The following FAM13A variants were observed in gnomAD, a reference collection of about 807,000 sequenced individuals.
FAM13A encodes the protein protein FAM13A.
In FAM13A, 76 loss-of-function variants were observed where a neutral mutation model predicts 129.6. The ratio of observed to expected loss-of-function variants is 0.59; its 90% CI spans 0.49 to 0.71. The LOEUF is 0.71. Ranked by LOEUF, FAM13A falls within the 30% of genes least tolerant of loss-of-function variation. FAM13A has a pLI of 0.00. For synonymous variants in FAM13A, 443 were observed against 449.9 expected (o/e 0.98, Z 0.20); for missense variants, 1,108 against 1,249.3 (o/e 0.89, Z 1.70).
chr4:88,888,578 AAT>A (rs1744813739), intron 6 of FAM13A, among the ~76,000 whole-genome samples: 1 of 152,136 alleles, frequency 6.6e-6, no homozygotes, highest in South Asian at 2.1e-4. Context: ...ATTAAAAGTA[AAT>A]AAATAAATAA....
At chr4:88,849,130 A>G (rs1006440659) in intron 7 of FAM13A, among the ~76,000 whole-genome samples, 2 of 152,258 alleles carry the variant, frequency 1.3e-5, no homozygotes, top group Non-Finnish European at 2.9e-5. Flanking sequence ...AGTACATAAT[A>G]GGCATGTAGT....
chr4:88,929,344 A>G (rs753729466), intron 5 of FAM13A, among the ~76,000 whole-genome samples: 1 of 152,112 alleles, frequency 6.6e-6, no homozygotes, highest in Non-Finnish European at 1.5e-5. Flanking sequence ...TTTACTTTAG[A>G]CATTCTGAAT....
At chr4:89,017,005 T>A (rs1424163061) in intron 3 of FAM13A, among the ~76,000 whole-genome samples, 1 of 152,204 alleles carries the variant, frequency 6.6e-6, no homozygotes, top group African/African-American at 2.4e-5. Context: ...CTGCCTACAG[T>A]ATTCAGTACA....
chr4:88,896,443 T>C (rs1428005105), intron 6 of FAM13A, among the ~76,000 whole-genome samples: 2 of 152,120 alleles, frequency 1.3e-5, no homozygotes, highest in African/African-American at 2.4e-5. Flanking sequence ...AAAAATTCAA[T>C]GTTTATTAAG....
At position 88,857,355 on chromosome 4, in the gene FAM13A, T is replaced by C. The variant is rs1561178511; in HGVS notation, c.844-6172A>G. On this transcript the variant is annotated intron_variant, in intron 6 of 23. Transcript: ENST00000264344. The stretch of plus-strand genomic sequence containing the variant: ...AAAAGGTTTATGTTGAGGCCAAGTG[T>C]GGTGGCTCACCCCTGTAATCCCAGC... Among the ~76,000 whole-genome samples, 3 of 152,094 alleles carry C rather than the reference T, an allele frequency of 2.0e-5. No homozygotes were observed. In the South Asian group the frequency reaches 6.2e-4, roughly 31 times the overall value.
intron 20 of FAM13A, among the ~76,000 whole-genome samples, chr4:88,738,669 G>A (rs1412437003): frequency 6.6e-6 from 1 of 152,146 alleles, no homozygotes; most frequent in African/African-American, 2.4e-5. Context: ...AGGGCCTTGG[G>A]ATCAGAACGG....
At chr4:88,946,713 T>G (rs551789758) in intron 4 of FAM13A, among the ~76,000 whole-genome samples, 117 of 152,138 alleles carry the variant, frequency 7.7e-4, no homozygotes, top group Non-Finnish European at 1.3e-3. Context: ...TTTATTTATT[T>G]GATTTTAGTT....
At position 88,994,850 on chromosome 4, in the gene FAM13A, AATT is replaced by A. The variant is rs1560708229; in HGVS notation, c.428-3703_428-3701del. ...AGTGAGACCCTGTCAAAAAAAAAAA[AATT>A]TCCTAATAATTACTTTGCTATGGCT... On this transcript the variant is annotated intron_variant, in intron 3 of 23. Coordinates refer to ENST00000264344, the MANE Select transcript of FAM13A (RefSeq NM_014883.4). Among the ~76,000 whole-genome samples, 25 of 151,982 alleles carry A rather than the reference AATT, an allele frequency of 1.6e-4. No homozygotes were observed. In the South Asian group the frequency reaches 4.2e-3, roughly 25 times the overall value.
At chr4:88,973,142 T>C (rs1760369688) in intron 4 of FAM13A, among the ~76,000 whole-genome samples, 1 of 151,622 alleles carries the variant, frequency 6.6e-6, no homozygotes, top group African/African-American at 2.4e-5. Context: ...TTTTTTTTTT[T>C]TTTTTTGTCA....
intron 1 of FAM13A, among the ~76,000 whole-genome samples, chr4:89,052,466 C>A (rs1158946049): frequency 8.4e-6 from 1 of 118,616 alleles, no homozygotes; most frequent in South Asian, 3.4e-4. Flanking sequence ...CCCCTCCCCC[C>A]ACCCCCTGGG....
At chr4:88,952,526 T>C (rs1757095922) in intron 4 of FAM13A, among the ~76,000 whole-genome samples, 1 of 152,196 alleles carries the variant, frequency 6.6e-6, no homozygotes, top group Non-Finnish European at 1.5e-5. Context: ...TCATATATCT[T>C]AGTTAAAACT....
intron 4 of FAM13A, among the ~76,000 whole-genome samples, chr4:88,959,271 G>A (rs185136493): frequency 1.5e-3 from 235 of 152,292 alleles, no homozygotes; most frequent in Admixed American, 5.1e-3. Context: ...GGGGCAGAAT[G>A]ATATAGTTTG....
chr4:89,020,280 C>CTT (rs374510433), intron 3 of FAM13A, among the ~76,000 whole-genome samples, 180 bp downstream of exon 3: 3,535 of 124,682 alleles, frequency 0.028, 124 homozygotes, highest in Non-Finnish European at 0.038. Flanking sequence ...TTTTTCTGCC[C>CTT]TTTTTTTTTT....
chr4:88,819,327 A>G (rs2149819652), intron 7 of FAM13A, among the ~76,000 whole-genome samples: 1 of 152,304 alleles, frequency 6.6e-6, no homozygotes, highest in Non-Finnish European at 1.5e-5. Flanking sequence ...CAGGTTCATA[A>G]CTTCATCTCA....
chr4:88,739,071 C>G lies in FAM13A; in HGVS notation c.2521G>C (p.Val841Leu). Residue 841 changes from valine to leucine, a missense_variant, in exon 20 of 24, where the codon GTC (valine) becomes CTC (leucine). By Grantham distance (32) the Val-to-Leu change is conservative (BLOSUM62 1). This residue lies in a region of FAM13A where 529 missense variants were observed against 621.2 expected (regional missense o/e 0.85). Transcript: ENST00000264344. ...MKPLYDRYRL[V>L]KQILSRANTI... ...TTAGCTCGGGAGAGGATCTGTTTGA[C>G]CAGCCGGTACCTGTCGTATAGTGGC... 1 of 1,613,940 alleles carries G rather than the reference C, an allele frequency of 6.2e-7. No homozygotes were observed. Among genetic ancestry groups the G allele is most frequent in the Non-Finnish European group, 8.5e-7 (1 of 1,179,896 alleles).
chr4:89,025,161 G>A (rs906962452), intron 2 of FAM13A, among the ~76,000 whole-genome samples: 1 of 150,826 alleles, frequency 6.6e-6, no homozygotes, highest in Non-Finnish European at 1.5e-5. Flanking sequence ...GACCATCCAG[G>A]AGTTCACTTC....
chr4:88,934,958 A>C (rs865842789), intron 5 of FAM13A, among the ~76,000 whole-genome samples: 5 of 152,236 alleles, frequency 3.3e-5, no homozygotes, highest in African/African-American at 9.6e-5. Flanking sequence ...AAACCATTGC[A>C]GAATCTGGAA....
chr4:88,756,257 A>T (rs1164788698), intron 14 of FAM13A, among the ~76,000 whole-genome samples: 1 of 152,204 alleles, frequency 6.6e-6, no homozygotes, highest in East Asian at 1.9e-4. Flanking sequence ...AATAAGCATG[A>T]CCAGACTCGG....
At chr4:88,819,752 T>G (rs1173094118) in intron 7 of FAM13A, among the ~76,000 whole-genome samples, 1 of 152,190 alleles carries the variant, frequency 6.6e-6, no homozygotes, top group Non-Finnish European at 1.5e-5. Context: ...GCTAAGAATA[T>G]CCATATAAGT....
Sources: gnomAD v4.1 joint callset for allele counts (sites outside exome capture counted in the v4.1 genomes callset) on GRCh38, gnomAD v4.1.1 for gene constraint, gnomAD v4.1.1 regional missense constraint, MANE v1.5 for transcripts, NCBI Gene and HGNC (gene_info 2026-07-23, HGNC 2026-07-21) for gene names.